Variants in BBS2 observed in about 807,000 individuals in gnomAD.
BBS2 encodes the protein BBSome complex member BBS2.
A neutral mutation model predicts 83.0 loss-of-function variants in BBS2; 62 were observed. The observed-to-expected ratio is 0.75, with a 90% confidence interval of 0.61 to 0.92. The LOEUF (loss-of-function observed/expected upper bound fraction) is 0.92, where lower values mean the gene tolerates loss of function less well. BBS2 is among the 40% of genes least tolerant of loss of function. The pLI is 0.00. For synonymous variants in BBS2, 303 were observed against 326.1 expected (o/e 0.93, Z 0.76); for missense variants, 784 against 901.0 (o/e 0.87, Z 1.66).
At chr16:56,511,054 G>A (rs1234561510) in intron 3 of BBS2, 105 bp downstream of exon 3, 2 of 1,571,812 alleles carry the variant, frequency 1.3e-6, no homozygotes, top group African/African-American at 2.7e-5. Flanking sequence ...CTTTTTTAAT[G>A]CACAGAATTA....
chr16:56,518,658 A>G (rs1232879188), intron 1 of BBS2, among the ~76,000 whole-genome samples: 1 of 152,210 alleles, frequency 6.6e-6, no homozygotes, highest in African/African-American at 2.4e-5. Context: ...CATGTAATAA[A>G]GTTTTGTGCC....
downstream of BBS2, among the ~76,000 whole-genome samples, chr16:56,480,337 TCA>T (rs201236493): frequency 1.1e-4 from 7 of 66,660 alleles, no homozygotes; most frequent in East Asian, 3.4e-4. Flanking sequence ...GAACACCCCC[TCA>T]CACACACACA....
intron 15 of BBS2, among the ~76,000 whole-genome samples, chr16:56,490,139 CACACACACACAA>C (rs1963905451): frequency 6.6e-6 from 1 of 151,452 alleles, no homozygotes; most frequent in African/African-American, 2.4e-5. Context: ...CACACACACA[CACACACACACAA>C]AAATAATAAT....
chr16:56,518,670 G>A lies in BBS2; in HGVS notation c.117+1076C>T, dbSNP rs142570799. ...ACTCATGTAATAAAGTTTTGTGCCT[G>A]TTATAAGTTATTAGCGTTGTCACTA... On this transcript the variant is annotated intron_variant, in intron 1 of 16. Coordinates refer to ENST00000245157, the MANE Select transcript of BBS2 (RefSeq NM_031885.5). Among the ~76,000 whole-genome samples the A allele has an allele frequency of 8.5e-3, 868 of 101,762 alleles. 7 individuals are homozygous for A. Among genetic ancestry groups the A allele is most frequent in the African/African-American group, 0.025 (807 of 31,698 alleles). 66.8% of individuals were successfully genotyped at this position (101,762 alleles called of 152,430 possible).
At chr16:56,490,417 G>A (rs912494695) in intron 15 of BBS2, among the ~76,000 whole-genome samples, 2 of 152,018 alleles carry the variant, frequency 1.3e-5, no homozygotes, top group Admixed American at 1.3e-4. Context: ...CAGCACTTTG[G>A]GAGGCCAAGG....
At chr16:56,510,115 G>A (rs1402472168) in intron 4 of BBS2, 81 bp from the exon 5 acceptor site, 2 of 1,263,878 alleles carry the variant, frequency 1.6e-6, no homozygotes, top group East Asian at 2.4e-5. Flanking sequence ...AAATTGCACA[G>A]TACTTTGCAT....
chr16:56,504,204 G>C (rs1450246397), intron 7 of BBS2, among the ~76,000 whole-genome samples: 1 of 152,124 alleles, frequency 6.6e-6, no homozygotes, highest in South Asian at 2.1e-4. Flanking sequence ...GTGAAAGAAC[G>C]AATGACCTGC....
At chr16:56,498,163 G>C (rs936444894) in intron 13 of BBS2, among the ~76,000 whole-genome samples, 3 of 152,068 alleles carry the variant, frequency 2.0e-5, no homozygotes, top group Non-Finnish European at 2.9e-5. Context: ...TTCCAAATTA[G>C]ACAAGGAAGA....
downstream of BBS2, among the ~76,000 whole-genome samples, chr16:56,480,638 G>C (rs1380505402): frequency 6.6e-6 from 1 of 152,050 alleles, no homozygotes; most frequent in Non-Finnish European, 1.5e-5. Context: ...TGACCCACCC[G>C]CCTTGACCTC....
exon 18 of BBS2, chr16:56,470,501 C>T (rs1963115395): frequency 1.9e-6 from 3 of 1,609,192 alleles, no homozygotes; most frequent in Non-Finnish European, 2.5e-6. Flanking sequence ...TATGAGAAAG[C>T]TGAGGAGAGT....
intron 15 of BBS2, among the ~76,000 whole-genome samples, chr16:56,495,619 A>G (rs187357286): frequency 2.0e-5 from 3 of 152,318 alleles, no homozygotes; most frequent in Non-Finnish European, 4.4e-5. Flanking sequence ...TTTTGATTTG[A>G]GCAAGCCAAC....
intron 17 of BBS2, among the ~76,000 whole-genome samples, chr16:56,473,894 C>T (rs1024777473): frequency 6.6e-6 from 1 of 152,020 alleles, no homozygotes; most frequent in South Asian, 2.1e-4. Context: ...GCAACCTCTG[C>T]CTCCCAGGTT....
At chr16:56,483,317 G>T (rs1360752085), downstream of BBS2, among the ~76,000 whole-genome samples, 1 of 152,122 alleles carries the variant, frequency 6.6e-6, no homozygotes, top group East Asian at 1.9e-4. Context: ...CAAGGCCCTA[G>T]GACAGCCCTT....
At chr16:56,518,896 G>T (rs144500170) in intron 1 of BBS2, among the ~76,000 whole-genome samples, 6 of 152,314 alleles carry the variant, frequency 3.9e-5, no homozygotes, top group Admixed American at 2.6e-4. Context: ...CTCACATCTT[G>T]CCCAGTAATC....
At chr16:56,498,762 T>C (rs1013570761) in intron 12 of BBS2, 194 bp from the exon 13 acceptor site, 2 of 1,455,672 alleles carry the variant, frequency 1.4e-6, no homozygotes, top group African/African-American at 2.8e-5. Context: ...AAAACACTAG[T>C]CACATTCCCT....
intron 15 of BBS2, among the ~76,000 whole-genome samples, chr16:56,492,769 C>T (rs1439998429): frequency 2.6e-5 from 4 of 152,194 alleles, no homozygotes; most frequent in Non-Finnish European, 2.9e-5. Flanking sequence ...CAATCTCATA[C>T]ATTGCTTATG....
chr16:56,497,878 G>C lies in BBS2; in HGVS notation c.1662C>G (p.Ile554Met), dbSNP rs774112668. 4 of 1,609,346 alleles carry C rather than the reference G, an allele frequency of 2.5e-6. No homozygotes were observed. The East Asian group carries it at 8.9e-5, about 36-fold the overall frequency. The stretch of plus-strand genomic sequence containing the variant: ...AATCAATATCATCAGTATTTATAGT[G>C]ATCTACCCAGAGAAAAAATAGACAA... The part of the protein sequence containing the change: ...LHIKIKLSGE[I>M]TINTDDIDLA... The change falls in exon 14 of 17, where the codon ATC becomes ATG. Residue 554 changes from isoleucine (I) to methionine (M), a missense_variant and splice_region_variant. Physicochemically the swap from Ile to Met is conservative, Grantham distance 10 (BLOSUM62 1). Transcript: ENST00000245157.
At chr16:56,474,701 TCA>T in intron 17 of BBS2, 1 of 679,156 alleles carries the variant, frequency 1.5e-6, no homozygotes, top group Non-Finnish European at 2.4e-6. Flanking sequence ...GAATAGCACT[TCA>T]ATCAAAGGTT....
chr16:56,492,137 T>G (rs571229657), intron 15 of BBS2, among the ~76,000 whole-genome samples: 2 of 152,132 alleles, frequency 1.3e-5, no homozygotes. Flanking sequence ...CTACCATATA[T>G]GATCTAGCAA....
Sources: allele counts gnomAD v4.1 joint callset (sites outside exome capture counted in the v4.1 genomes callset), GRCh38; gene constraint gnomAD v4.1.1; transcripts MANE v1.5; gene names NCBI Gene and HGNC (gene_info 2026-07-23, HGNC 2026-07-21).